DCP1B: variants seen among roughly 807,000 people sequenced by gnomAD.
The protein encoded by DCP1B is mRNA-decapping enzyme 1B.
DCP1B carries 47 observed loss-of-function variants against 60.5 expected under a neutral mutation model. The observed-to-expected ratio is 0.78, with a 90% CI of 0.61 to 0.99. The LOEUF (loss-of-function observed/expected upper bound fraction) is 0.99, where lower values mean the gene tolerates loss of function less well. Among genes scored for constraint, DCP1B ranks in the 50% least tolerant of loss-of-function variants. DCP1B has a pLI of 0.00. For missense variants in DCP1B, 725 were observed against 756.8 expected, an observed-to-expected ratio of 0.96 and a Z score of 0.49; for synonymous variants, 267 against 280.3, an observed-to-expected ratio of 0.95 and a Z score of 0.47.
intron 3 of DCP1B, among the ~76,000 whole-genome samples, chr12:1,978,695 C>T (rs1291817579): frequency 6.6e-6 from 1 of 152,128 alleles, no homozygotes; most frequent in African/African-American, 2.4e-5. Context: ...ACCACCAGCC[C>T]CAGCAGAGAC....
intron 3 of DCP1B, among the ~76,000 whole-genome samples, chr12:1,987,408 T>C (rs563824486): frequency 6.6e-6 from 1 of 152,350 alleles, no homozygotes; most frequent in South Asian, 2.1e-4. Flanking sequence ...TATTTTGATA[T>C]CCAATTATAT....
At chr12:1,945,981 T>A (rs552193746), downstream of DCP1B, 144 of 363,052 alleles carry the variant, frequency 4.0e-4, no homozygotes, top group East Asian at 7.2e-3. Context: ...TGTATACCTA[T>A]GTAACAAACC....
rs368323925 is a variant in DCP1B, at chr12:2,004,231, C to G, written c.150+51G>C. ...CCTCAAGTCCTGAGTCTGACGCCCC[C>G]CGCCTCCACCCCAACCCTGGGCTGC... On this transcript the variant is annotated intron_variant, in intron 1 of 8. Transcript: ENST00000280665. The G allele has an allele frequency of 3.0e-4, 486 of 1,605,340 alleles. 1 individual carries two copies. The African/African-American group carries it at 4.4e-3, about 15-fold the overall frequency.
At chr12:1,985,202 A>C (rs2037351459) in intron 3 of DCP1B, among the ~76,000 whole-genome samples, 1 of 152,084 alleles carries the variant, frequency 6.6e-6, no homozygotes, top group African/African-American at 2.4e-5. Flanking sequence ...ATTTTTTCAA[A>C]TATTTATGAG....
intron 6 of DCP1B, 127 bp downstream of exon 6, chr12:1,955,305 C>T: frequency 8.7e-7 from 1 of 1,145,628 alleles, no homozygotes; most frequent in Non-Finnish European, 1.2e-6. Context: ...TTCTGAAATC[C>T]CGCTTTCTTG....
Position 1,950,200 on chromosome 12 carries a change from T to A in DCP1B, c.1525-866A>T, listed in dbSNP as rs1394351561. ...TTTATAATCAATCCCTTAGCGTCTC[T>A]TTGAGCAAAAGTTGGCCTAGAGGAA... is the stretch of plus-strand genomic sequence containing the variant. On this transcript the variant is annotated intron_variant, in intron 7 of 8. Transcript: ENST00000280665. The A allele has an allele frequency of 1.1e-5, 7 of 613,272 alleles. No homozygotes were observed. In the Middle Eastern group the frequency reaches 8.4e-4, roughly 73 times the overall value. 38.0% of individuals were successfully genotyped at this position (613,272 alleles called of 1,614,324 possible).
rs1015042485 is a variant in DCP1B at position 1,953,282 on chromosome 12, C to T, written c.658G>A (p.Asp220Asn). Residue 220 changes from aspartate (D) to asparagine (N), a missense_variant, in exon 7 of 9, where the codon GAC becomes AAC. Transcript: ENST00000280665. ...QRIPQPNQTL[D>N]PEPQHLSLTA... is the part of the protein sequence containing the mutation. ...AAGGATAAGTGTTGGGGTTCAGGGT[C>T]TAAGGTCTGGAAAAAATAAAGATAT... The T allele has an allele frequency of 3.2e-6, 5 of 1,572,240 alleles. No individual in the cohort carries two copies. In the African/African-American group the frequency reaches 6.8e-5, roughly 21 times the overall value.
intron 3 of DCP1B, among the ~76,000 whole-genome samples, chr12:1,982,180 C>T (rs1007127014): frequency 2.0e-5 from 3 of 152,130 alleles, no homozygotes; most frequent in Non-Finnish European, 2.9e-5. Flanking sequence ...TTATGAATTG[C>T]TGGATTCAAT....
intron 1 of DCP1B, among the ~76,000 whole-genome samples, chr12:1,998,433 G>C (rs1269350622): frequency 1.3e-5 from 2 of 152,178 alleles, no homozygotes; most frequent in African/African-American, 2.4e-5. Flanking sequence ...TGACTTAGGA[G>C]AGCAGATGAT....
In DCP1B at chr12:1,953,028, G is replaced by A; in HGVS notation, c.912C>T (p.Leu304=). The change falls in exon 7 of 9, where the codon CTC becomes CTT. Residue 304 remains leucine (L), a synonymous_variant. Transcript: ENST00000280665. The part of the protein sequence containing the change: ...IQKLMVRSAD[L]HPLSELPENR... The stretch of plus-strand genomic sequence containing the variant: ...TTTCAGGCAGCTCTGACAATGGGTG[G>A]AGGTCTGCGCTCCTGACCATGAGTT... The A allele has an allele frequency of 6.2e-7, 1 of 1,614,162 alleles. No homozygotes were observed. The highest frequency in any genetic ancestry group is 8.5e-7 in the Non-Finnish European group (1 of 1,180,016).
At chr12:1,951,755 T>C (rs1468941766) in intron 7 of DCP1B, among the ~76,000 whole-genome samples, 1 of 152,220 alleles carries the variant, frequency 6.6e-6, no homozygotes, top group Admixed American at 6.5e-5. Context: ...TACCCACATG[T>C]AGACAATGCC....
chr12:1,960,903 A>G (rs529599347), intron 5 of DCP1B, among the ~76,000 whole-genome samples: 1 of 152,128 alleles, frequency 6.6e-6, no homozygotes, highest in East Asian at 1.9e-4. Context: ...CTACCTTTCC[A>G]TTTCACCCCC....
At chr12:1,977,724 G>GGC (rs1280364700) in intron 3 of DCP1B, among the ~76,000 whole-genome samples, 1 of 152,106 alleles carries the variant, frequency 6.6e-6, no homozygotes, top group Non-Finnish European at 1.5e-5. Context: ...GTAACATAGT[G>GGC]GCAGAGAAAA....
intron 2 of DCP1B, among the ~76,000 whole-genome samples, chr12:1,994,094 C>T (rs115641721): frequency 0.017 from 2,645 of 152,296 alleles, 81 homozygotes; most frequent in African/African-American, 0.06. Context: ...CCTTGAATGC[C>T]TGCTCTGCCA....
intron 2 of DCP1B, among the ~76,000 whole-genome samples, chr12:1,996,234 A>G (rs1311917754): frequency 2.0e-5 from 3 of 152,056 alleles, no homozygotes; most frequent in Non-Finnish European, 4.4e-5. Flanking sequence ...CATTTTCTCT[A>G]TTACTCTCCT....
intron 3 of DCP1B, among the ~76,000 whole-genome samples, chr12:1,974,794 C>T (rs985412448): frequency 6.6e-6 from 1 of 152,162 alleles, no homozygotes; most frequent in African/African-American, 2.4e-5. Context: ...TGACAACTAT[C>T]ACCATAAGTG....
chr12:1,985,991 T>G (rs2037593925), intron 3 of DCP1B, among the ~76,000 whole-genome samples: 1 of 152,080 alleles, frequency 6.6e-6, no homozygotes, highest in African/African-American at 2.4e-5. Context: ...TGTTTTGTAT[T>G]TTTAGTAGAG....
chr12:2,000,571 A>C (rs1006857041), intron 1 of DCP1B, among the ~76,000 whole-genome samples: 39 of 152,222 alleles, frequency 2.6e-4, no homozygotes, highest in Non-Finnish European at 5.9e-5. Flanking sequence ...ACTTATAACA[A>C]GTAATTCTTA....
chr12:1,991,572 C>G, intron 3 of DCP1B: 1 of 243,854 alleles, frequency 4.1e-6, no homozygotes, highest in Admixed American at 5.2e-5. Flanking sequence ...CACTGTCTGA[C>G]AGTTGGTGCC....
Sources: gnomAD v4.1 joint callset for allele counts (sites outside exome capture counted in the v4.1 genomes callset) on GRCh38, gnomAD v4.1.1 for gene constraint, MANE v1.5 for transcripts, NCBI Gene and HGNC (gene_info 2026-07-23, HGNC 2026-07-21) for gene names.